ZNF524: variants seen among roughly 807,000 people sequenced by gnomAD.
ZNF524 encodes zinc finger protein 524.
For missense variants in ZNF524, 388 were observed against 380.1 expected, an observed-to-expected ratio of 1.02 and a Z score of -0.17; for synonymous variants, 194 against 166.3, an observed-to-expected ratio of 1.17 and a Z score of -1.28.
At position 55,603,136 on chromosome 19, in the gene ZNF524, G is replaced by A; in HGVS notation, c.*229G>A. 3.4e-6 allele frequency: 2 copies of A among 587,616 alleles called. No individual in the cohort carries two copies. The allele number at this position is 587,616 out of a possible 1,614,324, so 36.4% of individuals were successfully genotyped here. A position where few individuals can be genotyped will look rare whatever the true frequency, so the allele number is the denominator to read the frequency against. On this transcript the variant is annotated 3_prime_UTR_variant, in exon 2 of 2. Coordinates refer to ENST00000301073, the MANE Select transcript of ZNF524 (RefSeq NM_153219.4). ...CTGTGGAAATAAATCTCTGCCTGCT[G>A]GCTGCCTGTGTGTGTTCCGTGCCGG...
upstream of ZNF524, chr19:55,600,208 G>C (rs1980580998): frequency 1.3e-5 from 2 of 151,892 alleles, no homozygotes; most frequent in South Asian, 4.2e-4. Flanking sequence ...TTTGTTTCCC[G>C]CGGGCGCGCA....
Position 55,602,084 on chromosome 19 carries a change from G to A in ZNF524, c.-29G>A, listed in dbSNP as rs1193920370. ...CCCTCTCTCCTCTTAGCTGGCTCCA[G>A]TGCCCAGACCCAAGCCCCCCACTGC... is the stretch of plus-strand genomic sequence containing the variant. On this transcript the variant is annotated 5_prime_UTR_variant, in exon 2 of 2. In the 5' UTR this introduces an upstream ATG that the reference lacks. Transcript: ENST00000301073. The A allele has an allele frequency of 1.3e-6, 2 of 1,512,938 alleles. No individual in the cohort carries two copies. The highest frequency in any genetic ancestry group is 1.8e-6 in the Non-Finnish European group (2 of 1,130,866). 93.7% of individuals were successfully genotyped at this position (1,512,938 alleles called of 1,614,324 possible). A position where few individuals can be genotyped will look rare whatever the true frequency, so the allele number is the denominator to read the frequency against.
At position 55,603,095 on chromosome 19, in the gene ZNF524, C is replaced by G. The variant is rs1980787858; in HGVS notation, c.*188C>G. On this transcript the variant is annotated 3_prime_UTR_variant, in exon 2 of 2. Coordinates refer to ENST00000301073, the MANE Select transcript of ZNF524 (RefSeq NM_153219.4). ...AGCCCCCCTCCCCCAGACTAACAGA[C>G]CCTTGGAGGCAGGGGCTGTGGAAAT... 1.5e-6 allele frequency: 1 copy of G among 663,322 alleles called. No individual in the cohort carries two copies. Among genetic ancestry groups the G allele is most frequent in the Non-Finnish European group, 2.6e-6 (1 of 388,156 alleles). The allele number at this position is 663,322 out of a possible 1,614,324, so 41.1% of individuals were successfully genotyped here.
Position 55,602,926 on chromosome 19 carries a change from G to T in ZNF524, c.*19G>T, listed in dbSNP as rs1344878827. The T allele has an allele frequency of 7.2e-6, 11 of 1,527,502 alleles. No individual in the cohort carries two copies. Among genetic ancestry groups the T allele is most frequent in the Admixed American group, 2.0e-5 (1 of 48,842 alleles). The allele number at this position is 1,527,502 out of a possible 1,614,324, so 94.6% of individuals were successfully genotyped here. A position where few individuals can be genotyped will look rare whatever the true frequency, so the allele number is the denominator to read the frequency against. Reference sequence around the variant, plus strand: ...GGCCTGACCCACACCCCCGGCCATCGCTCCCTGGGCCAGGTTTAGAGCAGG... The same window carrying T: ...GGCCTGACCCACACCCCCGGCCATCTCTCCCTGGGCCAGGTTTAGAGCAGG... On this transcript the variant is annotated 3_prime_UTR_variant, in exon 2 of 2. Coordinates refer to ENST00000301073, the MANE Select transcript of ZNF524 (RefSeq NM_153219.4).
chr19:55,600,365 C>T lies in ZNF524; in HGVS notation c.-82C>T, dbSNP rs1462594701. The T allele has an allele frequency of 6.7e-6, 1 of 149,720 alleles. No individual in the cohort carries two copies. The highest frequency in any genetic ancestry group is 1.5e-5 in the Non-Finnish European group (1 of 67,132). 9.3% of individuals were successfully genotyped at this position (149,720 alleles called of 1,614,324 possible). A position where few individuals can be genotyped will look rare whatever the true frequency, so the allele number is the denominator to read the frequency against. On this transcript the variant is annotated 5_prime_UTR_variant, in exon 1 of 2. Transcript: ENST00000301073. ...TTCCCACGCGCCGGCCCCGTTGCCC[C>T]CGCGCGCGCGCACACTCGCGAGCCC...
rs948285412 is a variant in ZNF524 at position 55,602,888 on chromosome 19, G to C, written c.776G>C (p.Gly259Ala). 9.5e-6 allele frequency: 15 copies of C among 1,582,354 alleles called. No individual in the cohort carries two copies. Among genetic ancestry groups the C allele is most frequent in the African/African-American group, 2.7e-5 (2 of 74,648 alleles). ...AGAEEEEETE[G>A]KGEPA ...GCCGAGGAGGAGGAGGAGACAGAGG[G>C]GAAAGGGGAGCCGGCCTGACCCACA... The change falls in exon 2 of 2, where the codon GGG (glycine) becomes GCG (alanine). Residue 259 changes from glycine to alanine, a missense_variant. By Grantham distance (60) the Gly-to-Ala change is moderately conservative (BLOSUM62 0). Coordinates refer to ENST00000301073, the MANE Select transcript of ZNF524 (RefSeq NM_153219.4).
upstream of ZNF524, chr19:55,599,684 G>C (rs2123566080): frequency 6.6e-6 from 1 of 152,544 alleles, no homozygotes; most frequent in South Asian, 2.1e-4. Context: ...CGCCATCTTG[G>C]GTGAGGGCAG....
chr19:55,602,848 C>A lies in ZNF524; in HGVS notation c.736C>A (p.Pro246Thr). Reference protein sequence around the residue: ...SEPPWDEEGIPATAGAEEEEE... With the variant: ...SEPPWDEEGITATAGAEEEEE... Reference sequence around the variant, plus strand: ...ACCGCCGTGGGACGAGGAGGGCATCCCGGCCACAGCAGGGGCCGAGGAGGA... The same window carrying A: ...ACCGCCGTGGGACGAGGAGGGCATCACGGCCACAGCAGGGGCCGAGGAGGA... Residue 246 changes from proline to threonine, a missense_variant, in exon 2 of 2, where the codon CCG (proline) becomes ACG (threonine). Pro to Thr is a conservative substitution (Grantham distance 38). Coordinates refer to ENST00000301073, the MANE Select transcript of ZNF524 (RefSeq NM_153219.4). 1 of 1,607,664 alleles carries A rather than the reference C, an allele frequency of 6.2e-7. No homozygotes were observed. Among genetic ancestry groups the A allele is most frequent in the South Asian group, 1.1e-5 (1 of 90,210 alleles).
upstream of ZNF524, chr19:55,599,907 C>A (rs375382337): frequency 2.0e-5 from 3 of 152,350 alleles, no homozygotes; most frequent in South Asian, 6.2e-4. Flanking sequence ...AACTGCAATA[C>A]AGAGCTGGAA....
Position 55,602,307 on chromosome 19 carries a change from A to G in ZNF524, c.195A>G (p.Pro65=), listed in dbSNP as rs896725769. The G allele has an allele frequency of 4.4e-6, 7 of 1,580,658 alleles. No individual in the cohort carries two copies. Among genetic ancestry groups the G allele is most frequent in the Non-Finnish European group, 4.3e-6 (5 of 1,163,676 alleles). The change falls in exon 2 of 2, where the codon CCA becomes CCG. Residue 65 remains proline, a synonymous_variant. Coordinates refer to ENST00000301073, the MANE Select transcript of ZNF524 (RefSeq NM_153219.4). ...CCCCCAAGTCAGGGCAGGAGCCCCC[A>G]CTGGTGCAGGTGCAGGGGGTGACAG... is the stretch of plus-strand genomic sequence containing the variant. ...GRPPKSGQEP[P]LVQVQGVTAP... is the part of the protein sequence containing the mutation.
At position 55,602,206 on chromosome 19, in the gene ZNF524, C is replaced by T; in HGVS notation, c.94C>T (p.Arg32Ter). 3 of 1,612,496 alleles carry T rather than the reference C, an allele frequency of 1.9e-6. No individual in the cohort carries two copies. The highest frequency in any genetic ancestry group is 2.5e-6 in the Non-Finnish European group (3 of 1,179,476). Residue 32 changes from arginine (R) to a stop codon, truncating the protein, a stop_gained, in exon 2 of 2, where the codon CGA (arginine) becomes TGA (stop). Transcript: ENST00000301073. LOFTEE classifies it low-confidence loss of function (END_TRUNC). ...ALSPPVPRGR[R>*]GRRPGGATSS... Reference sequence around the variant, plus strand: ...ATCTCCTCCTGTTCCCCGGGGCCGCCGAGGCCGTCGTCCTGGGGGAGCCAC... The same window carrying T: ...ATCTCCTCCTGTTCCCCGGGGCCGCTGAGGCCGTCGTCCTGGGGGAGCCAC...
chr19:55,602,362 C>T lies in ZNF524; in HGVS notation c.250C>T (p.Leu84Phe), dbSNP rs757070434. The T allele has an allele frequency of 7.7e-6, 12 of 1,561,154 alleles. No individual in the cohort carries two copies. Among genetic ancestry groups the T allele is most frequent in the South Asian group, 1.2e-5 (1 of 85,678 alleles). Residue 84 changes from leucine (L) to phenylalanine (F), a missense_variant, in exon 2 of 2, where the codon CTC becomes TTC. Transcript: ENST00000301073. ...AGTAGGCAGCAGTGGCGGGAGCGAC[C>T]TCCTCCTGATCGATGATCAGGGTGT... Reference protein sequence around the residue: ...APVGSSGGSDLLLIDDQGVPY... With the variant: ...APVGSSGGSDFLLIDDQGVPY...
rs754431798 is a variant in ZNF524, at chr19:55,602,070, C to T, written c.-38-5C>T. The stretch of plus-strand genomic sequence containing the variant: ...AGCACTGACTCTGCCCCTCTCTCCT[C>T]TTAGCTGGCTCCAGTGCCCAGACCC... On this transcript the variant is annotated splice_polypyrimidine_tract_variant and splice_region_variant and intron_variant, in intron 1 of 1. Coordinates refer to ENST00000301073, the MANE Select transcript of ZNF524 (RefSeq NM_153219.4). 1 of 1,507,716 alleles carries T rather than the reference C, an allele frequency of 6.6e-7. No individual in the cohort carries two copies. Among genetic ancestry groups the T allele is most frequent in the Non-Finnish European group, 8.9e-7 (1 of 1,126,736 alleles). 93.4% of individuals were successfully genotyped at this position (1,507,716 alleles called of 1,614,324 possible).
Position 55,603,076 on chromosome 19 carries a change from C to T in ZNF524, c.*169C>T, listed in dbSNP as rs927168948. 2.6e-6 allele frequency: 2 copies of T among 755,480 alleles called. No homozygotes were observed. Among genetic ancestry groups the T allele is most frequent in the Admixed American group, 3.0e-5 (1 of 32,870 alleles). 46.8% of individuals were successfully genotyped at this position (755,480 alleles called of 1,614,324 possible). On this transcript the variant is annotated 3_prime_UTR_variant, in exon 2 of 2. Transcript: ENST00000301073. ...TTGGGGTCCAGCTGCCTTCAGCCCC[C>T]CTCCCCCAGACTAACAGACCCTTGG...
At position 55,602,548 on chromosome 19, in the gene ZNF524, G is replaced by A; in HGVS notation, c.436G>A (p.Val146Ile). Residue 146 changes from valine (V) to isoleucine (I), a missense_variant, in exon 2 of 2, where the codon GTT becomes ATT. Transcript: ENST00000301073. ...AGAGCTGAAGCCGCACCAGTGCAAGGTTTGCGGCAAGACCTTCAAGCGCTC... is the reference window on the plus strand; with the variant it reads ...AGAGCTGAAGCCGCACCAGTGCAAGATTTGCGGCAAGACCTTCAAGCGCTC... ...HSELKPHQCK[V>I]CGKTFKRSSH... 1 of 1,591,886 alleles carries A rather than the reference G, an allele frequency of 6.3e-7. No homozygotes were observed. Among genetic ancestry groups the A allele is most frequent in the Admixed American group, 1.7e-5 (1 of 58,702 alleles).
In ZNF524 at chr19:55,602,981, G is replaced by A; in HGVS notation, c.*74G>A. 2 of 1,445,484 alleles carry A rather than the reference G, an allele frequency of 1.4e-6. No individual in the cohort carries two copies. Among genetic ancestry groups the A allele is most frequent in the African/African-American group, 1.4e-5 (1 of 70,136 alleles). The allele number at this position is 1,445,484 out of a possible 1,614,324, so 89.5% of individuals were successfully genotyped here. On this transcript the variant is annotated 3_prime_UTR_variant, in exon 2 of 2. Coordinates refer to ENST00000301073, the MANE Select transcript of ZNF524 (RefSeq NM_153219.4). ...TTGGCTGGTGCTGGGCCTGAGCCAGGGGGCCGGGACACCCTTGTTTCCGGT... is the reference window on the plus strand; with the variant it reads ...TTGGCTGGTGCTGGGCCTGAGCCAGAGGGCCGGGACACCCTTGTTTCCGGT...
In ZNF524 at chr19:55,602,830, T is replaced by G. The variant is rs746519872; in HGVS notation, c.718T>G (p.Trp240Gly). The change falls in exon 2 of 2, where the codon TGG (tryptophan) becomes GGG (glycine). Residue 240 changes from tryptophan (W) to glycine (G), a missense_variant. Coordinates refer to ENST00000301073, the MANE Select transcript of ZNF524 (RefSeq NM_153219.4). ...CAPDPGSEPP[W>G]DEEGIPATAG... is the part of the protein sequence containing the mutation. ...ACCAGATCCAGGGTCTGAACCGCCGTGGGACGAGGAGGGCATCCCGGCCAC... is the reference window on the plus strand; with the variant it reads ...ACCAGATCCAGGGTCTGAACCGCCGGGGGACGAGGAGGGCATCCCGGCCAC... The G allele has an allele frequency of 6.2e-7, 1 of 1,610,058 alleles. No individual in the cohort carries two copies. Among genetic ancestry groups the G allele is most frequent in the Non-Finnish European group, 8.5e-7 (1 of 1,179,280 alleles).
At chr19:55,599,940 C>T (rs865877948), upstream of ZNF524, 1 of 152,262 alleles carries the variant, frequency 6.6e-6, no homozygotes, top group Admixed American at 6.5e-5. Context: ...ATCTTATCCA[C>T]TTAGCACTCC....
chr19:55,602,483 C>T lies in ZNF524; in HGVS notation c.371C>T (p.Pro124Leu), dbSNP rs748649379. Residue 124 changes from proline (P) to leucine (L), a missense_variant, in exon 2 of 2, where the codon CCC becomes CTC. By Grantham distance (98) the Pro-to-Leu change is moderately conservative (BLOSUM62 -3). Coordinates refer to ENST00000301073, the MANE Select transcript of ZNF524 (RefSeq NM_153219.4). ...TGCCCGGTGTGCCTGCGGGCCTTCCCCTACCTCTCCGACCTGGAGCGCCAC... is the reference window on the plus strand; with the variant it reads ...TGCCCGGTGTGCCTGCGGGCCTTCCTCTACCTCTCCGACCTGGAGCGCCAC... ...HFCPVCLRAFPYLSDLERHSI... is the reference protein window; with the variant it reads ...HFCPVCLRAFLYLSDLERHSI... The T allele has an allele frequency of 2.8e-5, 45 of 1,598,066 alleles. No homozygotes were observed. Among genetic ancestry groups the T allele is most frequent in the Non-Finnish European group, 8.5e-7 (1 of 1,177,832 alleles).
Sources: allele counts gnomAD v4.1 joint callset, GRCh38; gene constraint gnomAD v4.1.1; transcripts MANE v1.5; gene names NCBI Gene and HGNC (gene_info 2026-07-23, HGNC 2026-07-21).